MYT1L: variants seen among roughly 807,000 people sequenced by gnomAD.
MYT1L encodes myelin transcription factor 1-like protein.
MYT1L carries 12 observed loss-of-function variants against 126.7 expected under a neutral mutation model. The observed-to-expected ratio is 0.09, with a 90% confidence interval of 0.06 to 0.15. The LOEUF (loss-of-function observed/expected upper bound fraction) is 0.15, where lower values mean the gene tolerates loss of function less well. Among genes scored for constraint, MYT1L ranks in the 10% least tolerant of loss-of-function variants. The pLI, the probability that MYT1L is intolerant of heterozygous loss-of-function variation, is 1.00. For synonymous variants in MYT1L, 541 were observed against 604.2 expected (o/e 0.90, Z 1.53); for missense variants, 979 against 1,585.2 (o/e 0.62, Z 6.49).
intron 2 of MYT1L, among the ~76,000 whole-genome samples, chr2:2,252,602 C>A (rs2094682576): frequency 1.3e-5 from 2 of 152,174 alleles, no homozygotes; most frequent in African/African-American, 4.8e-5. Flanking sequence ...AACTATAACA[C>A]CACAGGTGTG....
At chr2:2,282,514 C>T (rs1313451711) in intron 2 of MYT1L, among the ~76,000 whole-genome samples, 1 of 152,112 alleles carries the variant, frequency 6.6e-6, no homozygotes, top group Non-Finnish European at 1.5e-5. Context: ...TAAAATGAAG[C>T]AGGATTGTAA....
intron 3 of MYT1L, among the ~76,000 whole-genome samples, chr2:2,077,162 GA>G (rs1253961223): frequency 2.6e-5 from 4 of 151,538 alleles, no homozygotes; most frequent in Non-Finnish European, 4.4e-5. Context: ...CAGAGACAGA[GA>G]AAAAAAAGAA....
intron 18 of MYT1L, among the ~76,000 whole-genome samples, chr2:1,871,470 C>G (rs1283598945): frequency 6.6e-6 from 1 of 152,234 alleles, no homozygotes; most frequent in Non-Finnish European, 1.5e-5. Flanking sequence ...ACACAGCGTG[C>G]CCCTGTGGGA....
intron 1 of MYT1L, among the ~76,000 whole-genome samples, chr2:2,306,578 A>G (rs528555427): frequency 2.0e-5 from 3 of 152,278 alleles, no homozygotes; most frequent in South Asian, 4.1e-4. Context: ...CCTATTTCCA[A>G]ATATCGAGGT....
intron 21 of MYT1L, among the ~76,000 whole-genome samples, chr2:1,833,965 T>C (rs78792209): frequency 0.047 from 7,107 of 152,162 alleles, 218 homozygotes; most frequent in South Asian, 0.098. Flanking sequence ...TCCTGTCAGG[T>C]CTGAGACCCG....
At chr2:1,857,776 A>G (rs10169048) in intron 18 of MYT1L, among the ~76,000 whole-genome samples, 111,463 of 151,972 alleles carry the variant, frequency 0.73, 41,040 homozygotes, top group Middle Eastern at 0.87. Flanking sequence ...CTTGTTTTTC[A>G]CCTAAACAGA....
At chr2:1,832,311 A>G (rs979763564) in intron 21 of MYT1L, among the ~76,000 whole-genome samples, 2 of 152,164 alleles carry the variant, frequency 1.3e-5, no homozygotes, top group Admixed American at 1.3e-4. Context: ...CTGGAACCTG[A>G]TCTCAGACTT....
intron 8 of MYT1L, among the ~76,000 whole-genome samples, chr2:1,946,970 A>G (rs2057286684): frequency 6.6e-6 from 1 of 152,208 alleles, no homozygotes; most frequent in Non-Finnish European, 1.5e-5. Flanking sequence ...TGGCTCCTCC[A>G]GAGCCTGCCC....
At chr2:1,859,969 G>T (rs893537930) in intron 18 of MYT1L, among the ~76,000 whole-genome samples, 2 of 152,238 alleles carry the variant, frequency 1.3e-5, no homozygotes, top group African/African-American at 4.8e-5. Context: ...GCACCCAGGG[G>T]CTGCCACGGC....
chr2:1,808,995 TC>T, intron 22 of MYT1L, 80 bp downstream of exon 22: 1 of 1,252,234 alleles, frequency 8.0e-7, no homozygotes, highest in South Asian at 1.2e-5. Flanking sequence ...GCTGTAACTG[TC>T]AAAGGACACA....
rs565401402 is a variant in MYT1L at position 2,138,105 on chromosome 2, T to G, written c.-304+34767A>C. The stretch of plus-strand genomic sequence containing the variant: ...CATGAAAAAATGCTCACCATCACTG[T>G]CCATCAGAGAAATGCAAATCAAAAC... On this transcript the variant is annotated intron_variant, in intron 3 of 24. Transcript: ENST00000647738. Among the ~76,000 whole-genome samples the G allele has an allele frequency of 1.2e-3, 178 of 152,300 alleles. 2 individuals carry two copies. The highest frequency in any genetic ancestry group is 7.9e-3 in the East Asian group (41 of 5,182).
intron 4 of MYT1L, among the ~76,000 whole-genome samples, chr2:2,048,487 C>T (rs182425314): frequency 1.2e-4 from 18 of 152,304 alleles, no homozygotes; most frequent in Non-Finnish European, 2.4e-4. Flanking sequence ...CCTGACACCG[C>T]TGGGACCTCT....
In MYT1L at chr2:1,933,315, C is replaced by T. The variant is rs144981537; in HGVS notation, c.505+9667G>A. ...GTCCCTAGGTATCTCTGTTTCTACT[C>T]GGAGGAAGTTCAGGCGACACAGATT... On this transcript the variant is annotated intron_variant, in intron 9 of 24. Coordinates refer to ENST00000647738, the MANE Select transcript of MYT1L (RefSeq NM_001303052.2). 1.8e-4 allele frequency among the ~76,000 whole-genome samples: 28 copies of T among 151,986 alleles called. No homozygotes were observed. The East Asian group carries it at 4.3e-3, about 23-fold the overall frequency.
At chr2:2,010,632 G>T (rs1389745775) in intron 4 of MYT1L, among the ~76,000 whole-genome samples, 1 of 152,122 alleles carries the variant, frequency 6.6e-6, no homozygotes, top group Non-Finnish European at 1.5e-5. Flanking sequence ...GGGATGTTCT[G>T]TCATTTAAAG....
chr2:1,912,159 G>A lies in MYT1L; in HGVS notation c.1619-49C>T, dbSNP rs757847067. ...ACAGCCAGTGTTAAAACAGAGGCAC[G>A]GTTAGGGCACATGAAAATGCAGTCA... is the stretch of plus-strand genomic sequence containing the variant. On this transcript the variant is annotated intron_variant, in intron 11 of 24. Coordinates refer to ENST00000647738, the MANE Select transcript of MYT1L (RefSeq NM_001303052.2). This position sits in a 1 kb window ranked among gnomAD's most constrained non-coding sequence, Gnocchi z 4.3. 54 of 1,330,344 alleles carry A rather than the reference G, an allele frequency of 4.1e-5. No individual in the cohort carries two copies. Among genetic ancestry groups the A allele is most frequent in the Non-Finnish European group, 5.5e-5 (53 of 960,442 alleles). 82.4% of individuals were successfully genotyped at this position (1,330,344 alleles called of 1,614,324 possible).
chr2:2,099,043 C>G (rs1457674080), intron 3 of MYT1L, among the ~76,000 whole-genome samples: 1 of 152,212 alleles, frequency 6.6e-6, no homozygotes, highest in Non-Finnish European at 1.5e-5. Context: ...CTAGGCAGCC[C>G]ATTAAAAGCA....
intron 2 of MYT1L, among the ~76,000 whole-genome samples, chr2:2,282,841 G>A (rs1394994191): frequency 3.9e-5 from 6 of 152,318 alleles, no homozygotes; most frequent in Admixed American, 3.3e-4. Context: ...TTGGGAAACC[G>A]AGGTGGGCAG....
At chr2:1,794,387 A>T (rs2032952542) in intron 23 of MYT1L, among the ~76,000 whole-genome samples, 1 of 152,204 alleles carries the variant, frequency 6.6e-6, no homozygotes, top group Non-Finnish European at 1.5e-5. Context: ...TTTCTGGAAA[A>T]TGGGAATAAT....
rs1215587637 is a variant in MYT1L, at chr2:2,143,953, G to A, written c.-304+28919C>T. Among the ~76,000 whole-genome samples, 4 of 132,294 alleles carry A rather than the reference G, an allele frequency of 3.0e-5. No individual in the cohort carries two copies. The East Asian group carries it at 1.0e-3, about 35-fold the overall frequency. The allele number at this position is 132,294 out of a possible 152,430, so 86.8% of individuals were successfully genotyped here. On this transcript the variant is annotated intron_variant, in intron 3 of 24. Transcript: ENST00000647738. ...AAAGATGGGAGCAATAGACGCTGGGGACTATTAGAGGGGGAGGGAGGGAGG... is the reference window on the plus strand; with the variant it reads ...AAAGATGGGAGCAATAGACGCTGGGAACTATTAGAGGGGGAGGGAGGGAGG...
Sources: gnomAD v4.1 joint callset for allele counts (sites outside exome capture counted in the v4.1 genomes callset) on GRCh38, gnomAD v4.1.1 for gene constraint, Gnocchi (gnomAD v3.1) non-coding constraint, MANE v1.5 for transcripts, NCBI Gene and HGNC (gene_info 2026-07-23, HGNC 2026-07-21) for gene names.